The following ADAM20 variants were observed in gnomAD, a reference collection of about 807,000 sequenced individuals.
The protein encoded by ADAM20 is disintegrin and metalloproteinase domain-containing protein 20.
For missense variants in ADAM20, 871 were observed against 883.2 expected (o/e 0.99, Z 0.18); for synonymous variants, 305 against 310.2 (o/e 0.98, Z 0.18).
the ADAM20 span, among the ~76,000 whole-genome samples, chr14:70,574,890 T>C: frequency 1.3e-5 from 2 of 151,870 alleles, no homozygotes; most frequent in Admixed American, 6.6e-5. Flanking sequence ...TGCAGTAACA[T>C]AGATGAACCT....
At chr14:70,578,285 G>C in the ADAM20 span, among the ~76,000 whole-genome samples, 7 of 151,964 alleles carry the variant, frequency 4.6e-5, no homozygotes, top group Admixed American at 4.6e-4. Flanking sequence ...AAACTGACTA[G>C]GTATATGCAG....
the ADAM20 span, chr14:70,547,389 G>A: frequency 6.7e-6 from 1 of 149,784 alleles, no homozygotes; most frequent in Non-Finnish European, 1.5e-5. Flanking sequence ...TCCATCTGAG[G>A]TACCGGGTTC....
intron 1 of ADAM20, among the ~76,000 whole-genome samples, chr14:70,528,392 A>G (rs1883637289): frequency 6.6e-6 from 1 of 152,218 alleles, no homozygotes; most frequent in Non-Finnish European, 1.5e-5. Context: ...AGGATCACTT[A>G]GGTCCATCTT....
chr14:70,566,685 A>G, the ADAM20 span, among the ~76,000 whole-genome samples: 1 of 152,188 alleles, frequency 6.6e-6, no homozygotes, highest in Non-Finnish European at 1.5e-5. Flanking sequence ...TCCTGCAGAA[A>G]AAGTAGGCGG....
the ADAM20 span, among the ~76,000 whole-genome samples, chr14:70,544,590 C>T: frequency 1.3e-5 from 2 of 151,794 alleles, no homozygotes; most frequent in Non-Finnish European, 2.9e-5. Flanking sequence ...CCTAATTAAA[C>T]CTTTAACAGA....
intron 1 of ADAM20, among the ~76,000 whole-genome samples, chr14:70,530,147 T>C (rs1007790229): frequency 7.9e-5 from 12 of 152,274 alleles, no homozygotes; most frequent in Non-Finnish European, 1.6e-4. Flanking sequence ...ATATCCCTAT[T>C]CTATAAGCTT....
the ADAM20 span, among the ~76,000 whole-genome samples, chr14:70,543,627 C>T: frequency 6.6e-6 from 1 of 152,160 alleles, no homozygotes; most frequent in Admixed American, 6.5e-5. Context: ...GGGCCCTTTC[C>T]TAATAATATG....
chr14:70,577,868 C>T, the ADAM20 span, among the ~76,000 whole-genome samples: 1 of 151,974 alleles, frequency 6.6e-6, no homozygotes, highest in Non-Finnish European at 1.5e-5. Flanking sequence ...ACAGTATATT[C>T]AAAAATTAAC....
chr14:70,545,259 G>A, the ADAM20 span, among the ~76,000 whole-genome samples: 1 of 152,312 alleles, frequency 6.6e-6, no homozygotes, highest in Admixed American at 6.5e-5. Flanking sequence ...TATTGCTGAA[G>A]AGGGTAGGAA....
chr14:70,572,760 C>A, the ADAM20 span, among the ~76,000 whole-genome samples: 2 of 151,770 alleles, frequency 1.3e-5, no homozygotes, highest in Non-Finnish European at 1.5e-5. Flanking sequence ...AAAAAAACCA[C>A]CATTGAAAAG....
In ADAM20 at chr14:70,524,764, G is replaced by A. The variant is rs766758251; in HGVS notation, c.-7C>T. The A allele has an allele frequency of 3.7e-5, 60 of 1,613,784 alleles. No individual in the cohort carries two copies. Among genetic ancestry groups the A allele is most frequent in the Non-Finnish European group, 4.6e-5 (54 of 1,179,940 alleles). On this transcript the variant is annotated 5_prime_UTR_variant, in exon 2 of 2. Coordinates refer to ENST00000256389, the MANE Select transcript of ADAM20 (RefSeq NM_003814.5). ...GGGGCTCACCCACTGCCATTATGAAGCTGTCATTATGGAGCCATCTGTCTA... is the reference window on the plus strand; with the variant it reads ...GGGGCTCACCCACTGCCATTATGAAACTGTCATTATGGAGCCATCTGTCTA...
intron 1 of ADAM20, among the ~76,000 whole-genome samples, chr14:70,533,363 A>G (rs1279151400): frequency 6.6e-6 from 1 of 152,222 alleles, no homozygotes; most frequent in Non-Finnish European, 1.5e-5. Flanking sequence ...ATGCCCATCA[A>G]CGATAGACTG....
At chr14:70,570,034 ATT>A in the ADAM20 span, among the ~76,000 whole-genome samples, 1 of 150,994 alleles carries the variant, frequency 6.6e-6, no homozygotes, top group African/African-American at 2.4e-5. Context: ...CATTCTCTAA[ATT>A]TGACCACAAG....
chr14:70,554,637 A>C, the ADAM20 span, among the ~76,000 whole-genome samples: 2 of 152,228 alleles, frequency 1.3e-5, no homozygotes, highest in African/African-American at 4.8e-5. Flanking sequence ...ATCATGCTAA[A>C]TGAAATAAGC....
the ADAM20 span, among the ~76,000 whole-genome samples, chr14:70,575,983 C>A: frequency 6.6e-6 from 1 of 152,136 alleles, no homozygotes; most frequent in Non-Finnish European, 1.5e-5. Flanking sequence ...AAGGAAAATA[C>A]AACAGACTAA....
chr14:70,535,278 C>A (rs183202330), upstream of ADAM20, among the ~76,000 whole-genome samples: 448 of 152,190 alleles, frequency 2.9e-3, 2 homozygotes, highest in African/African-American at 0.01. Flanking sequence ...TAATGGTGGA[C>A]CTAAAAGAAT....
intron 1 of ADAM20, 120 bp downstream of exon 1, chr14:70,534,674 TGAG>T (rs1883793185): frequency 1.3e-5 from 2 of 152,222 alleles, no homozygotes; most frequent in Admixed American, 6.5e-5. Flanking sequence ...ATTAGGGAAA[TGAG>T]GAGTTCCTGT....
chr14:70,571,983 TACAA>T, the ADAM20 span, among the ~76,000 whole-genome samples: 1 of 152,110 alleles, frequency 6.6e-6, no homozygotes, highest in African/African-American at 2.4e-5. Context: ...TTATAGATGA[TACAA>T]ACAAACGGAA....
chr14:70,571,929 G>A, the ADAM20 span, among the ~76,000 whole-genome samples: 5 of 152,134 alleles, frequency 3.3e-5, no homozygotes, highest in South Asian at 4.1e-4. Flanking sequence ...CCAAGAAGGC[G>A]AAAGACCTCT....
Sources: allele counts gnomAD v4.1 joint callset (sites outside exome capture counted in the v4.1 genomes callset), GRCh38; gene constraint gnomAD v4.1.1; transcripts MANE v1.5; gene names NCBI Gene and HGNC (gene_info 2026-07-23, HGNC 2026-07-21).